Variants in EYA1 observed in about 807,000 individuals in gnomAD.
EYA1 encodes protein phosphatase EYA1.
Under a neutral mutation model 82.0 loss-of-function variants are expected in EYA1, and 16 were observed. That is an observed-to-expected ratio of 0.20 (90% CI 0.13 to 0.30). The LOEUF (loss-of-function observed/expected upper bound fraction) is 0.30, where lower values mean the gene tolerates loss of function less well. Among genes scored for constraint, EYA1 ranks in the 10% least tolerant of loss-of-function variants. The pLI, the probability that EYA1 is intolerant of heterozygous loss-of-function variation, is 1.00. For missense variants in EYA1, 633 were observed against 730.7 expected (o/e 0.87, Z 1.54); for synonymous variants, 261 against 264.4 (o/e 0.99, Z 0.12).
intron 4 of EYA1, among the ~76,000 whole-genome samples, chr8:71,330,574 ATCAT>A (rs1563478912): frequency 2.0e-5 from 3 of 152,160 alleles, no homozygotes; most frequent in African/African-American, 7.2e-5. Context: ...TTATTCATGA[ATCAT>A]TCATTCATTC....
chr8:71,357,130 G>C (rs561321255), intron 1 of EYA1, among the ~76,000 whole-genome samples: 1 of 152,220 alleles, frequency 6.6e-6, no homozygotes, highest in South Asian at 2.1e-4. Flanking sequence ...CATACCCAAA[G>C]TCACTCCACT....
At position 71,242,854 on chromosome 8, in the gene EYA1, C is replaced by T. The variant is rs530682058; in HGVS notation, c.1140+1749G>A. Among the ~76,000 whole-genome samples, 20 of 148,008 alleles carry T rather than the reference C, an allele frequency of 1.4e-4. No individual in the cohort carries two copies. In the East Asian group the frequency reaches 1.4e-3, roughly 10 times the overall value. ...TGCAATGGCGTGATCTCTGGCTCATCGTAACCTCTGCCTCCCGGGCTCAAG... is the reference window on the plus strand; with the variant it reads ...TGCAATGGCGTGATCTCTGGCTCATTGTAACCTCTGCCTCCCGGGCTCAAG... On this transcript the variant is annotated intron_variant, in intron 12 of 17. Coordinates refer to ENST00000340726, the MANE Select transcript of EYA1 (RefSeq NM_000503.6).
At chr8:71,343,036 G>A (rs1825322330) in intron 3 of EYA1, among the ~76,000 whole-genome samples, 1 of 152,090 alleles carries the variant, frequency 6.6e-6, no homozygotes, top group South Asian at 2.1e-4. Flanking sequence ...AGAGAAGGAG[G>A]TTTTATTAGA....
intron 11 of EYA1, among the ~76,000 whole-genome samples, chr8:71,267,004 A>G (rs1411901412): frequency 6.6e-6 from 1 of 152,176 alleles, no homozygotes; most frequent in Non-Finnish European, 1.5e-5. Context: ...AATTCTTTCC[A>G]TCTCTACTGC....
intron 9 of EYA1, among the ~76,000 whole-genome samples, chr8:71,285,078 G>T (rs1563397298): frequency 6.6e-6 from 1 of 152,196 alleles, no homozygotes; most frequent in Non-Finnish European, 1.5e-5. Context: ...GAAAGTAAGA[G>T]ATGCTCAATG....
At chr8:71,433,375 T>G (rs1247495714) in intron 2 of EYA1, among the ~76,000 whole-genome samples, 1 of 152,196 alleles carries the variant, frequency 6.6e-6, no homozygotes, top group Non-Finnish European at 1.5e-5. Context: ...TCATATACTC[T>G]CATATAACAT....
chr8:71,218,738 C>A (rs9643622), intron 12 of EYA1, among the ~76,000 whole-genome samples: 1 of 151,814 alleles, frequency 6.6e-6, no homozygotes, highest in South Asian at 2.1e-4. Flanking sequence ...CGACAACATA[C>A]TAAATCCTGA....
chr8:71,468,248 A>C (rs1363396716), intron 2 of EYA1, among the ~76,000 whole-genome samples: 1 of 152,130 alleles, frequency 6.6e-6, no homozygotes, highest in African/African-American at 2.4e-5. Flanking sequence ...CATCAATAGC[A>C]GAGATGTTTT....
At chr8:71,213,071 A>C (rs918880222) in intron 16 of EYA1, among the ~76,000 whole-genome samples, 1 of 152,118 alleles carries the variant, frequency 6.6e-6, no homozygotes, top group Admixed American at 6.6e-5. Flanking sequence ...CCATGTCAAA[A>C]GAAAAAAAAA....
At chr8:71,425,310 A>T (rs1180558253) in intron 2 of EYA1, among the ~76,000 whole-genome samples, 2 of 151,894 alleles carry the variant, frequency 1.3e-5, no homozygotes, top group African/African-American at 4.8e-5. Flanking sequence ...AAGAAAATGC[A>T]CACTTTAAAA....
intron 11 of EYA1, among the ~76,000 whole-genome samples, chr8:71,265,896 C>T (rs1414544625): frequency 6.6e-6 from 1 of 152,196 alleles, no homozygotes; most frequent in African/African-American, 2.4e-5. Context: ...GCTGACTGTG[C>T]CCAGCACCCT....
intron 3 of EYA1, among the ~76,000 whole-genome samples, chr8:71,336,584 G>A (rs995609538): frequency 2.6e-5 from 4 of 152,236 alleles, no homozygotes; most frequent in Non-Finnish European, 4.4e-5. Context: ...TAGCTTAATC[G>A]AATGTAGCCT....
chr8:71,202,385 A>G (rs538554931), intron 17 of EYA1, among the ~76,000 whole-genome samples: 1 of 152,308 alleles, frequency 6.6e-6, no homozygotes, highest in South Asian at 2.1e-4. Flanking sequence ...CCTACAGAAC[A>G]CATGTTTTTC....
intron 2 of EYA1, among the ~76,000 whole-genome samples, chr8:71,466,010 G>T (rs1438438374): frequency 6.6e-6 from 1 of 152,130 alleles, no homozygotes; most frequent in Non-Finnish European, 1.5e-5. Flanking sequence ...AAAACATTCT[G>T]CCCTAGATGG....
At chr8:71,265,680 TATTA>T (rs1815709384) in intron 11 of EYA1, among the ~76,000 whole-genome samples, 1 of 152,250 alleles carries the variant, frequency 6.6e-6, no homozygotes, top group South Asian at 2.1e-4. Flanking sequence ...TTACATTGTT[TATTA>T]TAAGGAGACC....
intron 2 of EYA1, among the ~76,000 whole-genome samples, chr8:71,379,555 G>A (rs775613432): frequency 1.1e-4 from 17 of 152,132 alleles, no homozygotes; most frequent in South Asian, 2.1e-4. Flanking sequence ...AGTGTGCCTG[G>A]AAGCAAGAAG....
intron 12 of EYA1, 116 bp from the exon 13 acceptor site, chr8:71,217,139 C>G (rs1319038031): frequency 1.3e-6 from 1 of 767,680 alleles, no homozygotes; most frequent in Non-Finnish European, 2.3e-6. Context: ...GATTTTTCAA[C>G]TATGTCAATC....
chr8:71,425,196 T>C (rs1805112571), intron 2 of EYA1, among the ~76,000 whole-genome samples: 1 of 147,508 alleles, frequency 6.8e-6, no homozygotes, highest in Non-Finnish European at 1.5e-5. Context: ...GGCAGGAGAA[T>C]GGTGTGAACC....
At chr8:71,214,559 C>T (rs1808935639) in intron 16 of EYA1, among the ~76,000 whole-genome samples, 1 of 152,222 alleles carries the variant, frequency 6.6e-6, no homozygotes, top group South Asian at 2.1e-4. Context: ...CTGTAGGATA[C>T]AGCAAGGGGT....
Sources: allele counts gnomAD v4.1 joint callset (sites outside exome capture counted in the v4.1 genomes callset), GRCh38; gene constraint gnomAD v4.1.1; transcripts MANE v1.5; gene names NCBI Gene and HGNC (gene_info 2026-07-23, HGNC 2026-07-21).